Variants in LAPTM4B observed in about 807,000 individuals in gnomAD.
The protein encoded by LAPTM4B is lysosomal-associated transmembrane protein 4B.
LAPTM4B carries 26 observed loss-of-function variants against 28.5 expected under a neutral mutation model. The observed-to-expected ratio is 0.91, with a 90% CI of 0.67 to 1.27. The LOEUF (loss-of-function observed/expected upper bound fraction) is 1.27, where lower values mean the gene tolerates loss of function less well. Ranked by LOEUF, LAPTM4B falls within the 50% of genes most tolerant of loss-of-function variation. LAPTM4B has a pLI of 0.00. For synonymous variants in LAPTM4B, 109 were observed against 106.4 expected, an observed-to-expected ratio of 1.02 and a Z score of -0.15; for missense variants, 288 against 285.8, an observed-to-expected ratio of 1.01 and a Z score of -0.06.
intron 1 of LAPTM4B, 42 bp from the exon 2 acceptor site, chr8:97,805,311 G>A (rs753172687): frequency 2.8e-6 from 3 of 1,073,810 alleles, no homozygotes; most frequent in Non-Finnish European, 4.1e-6. Flanking sequence ...TGCATCCTGG[G>A]GTTACTTAAA....
rs145740464 is a variant in LAPTM4B, at chr8:97,842,575, C to G, written c.604-8822C>G. 6.9e-3 allele frequency among the ~76,000 whole-genome samples: 1,048 copies of G among 151,660 alleles called. 17 individuals are homozygous for G. The highest frequency in any genetic ancestry group is 0.023 in the African/African-American group (953 of 41,344). ...GCTCTGTTGCCCAGGCTGGAGTGCA[C>G]TGGCGCGATCTCAGCTCACTACAAG... On this transcript the variant is annotated intron_variant, in intron 6 of 6. Transcript: ENST00000521545.
chr8:97,845,878 C>T (rs192508346), intron 6 of LAPTM4B, among the ~76,000 whole-genome samples: 1 of 63,084 alleles, frequency 1.6e-5, no homozygotes, highest in Non-Finnish European at 3.8e-5. Flanking sequence ...ACTCCCCTCC[C>T]CTCCCCTCCC....
intron 1 of LAPTM4B, among the ~76,000 whole-genome samples, chr8:97,798,323 T>C (rs1036367109): frequency 3.9e-5 from 6 of 152,152 alleles, no homozygotes; most frequent in African/African-American, 1.4e-4. Flanking sequence ...ATTCACATCA[T>C]TCATGGTGTG....
intron 1 of LAPTM4B, among the ~76,000 whole-genome samples, chr8:97,781,279 T>TGGACTC (rs1816308003): frequency 4.0e-5 from 1 of 25,074 alleles, no homozygotes; most frequent in African/African-American, 2.5e-4. Flanking sequence ...GTGCCCGGCC[T>TGGACTC]TTTTTTTTTT....
At chr8:97,830,706 C>A (rs900864880) in intron 6 of LAPTM4B, among the ~76,000 whole-genome samples, 1 of 152,080 alleles carries the variant, frequency 6.6e-6, no homozygotes, top group African/African-American at 2.4e-5. Context: ...GTTCTGTAGA[C>A]GGACCGTGGT....
chr8:97,815,778 G>A (rs963800305), intron 3 of LAPTM4B, among the ~76,000 whole-genome samples: 5 of 151,980 alleles, frequency 3.3e-5, no homozygotes, highest in Admixed American at 6.6e-5. Flanking sequence ...ATGTTGGGCA[G>A]GCTAGTCTCG....
chr8:97,848,542 G>A (rs955538775), intron 6 of LAPTM4B, among the ~76,000 whole-genome samples: 1 of 151,882 alleles, frequency 6.6e-6, no homozygotes, highest in Non-Finnish European at 1.5e-5. Flanking sequence ...TCTACAGGTC[G>A]GCCACAGTGG....
chr8:97,786,451 C>A (rs1003306896), intron 1 of LAPTM4B, among the ~76,000 whole-genome samples: 1 of 150,446 alleles, frequency 6.6e-6, no homozygotes, highest in Admixed American at 6.6e-5. Context: ...CGCCTGTAAT[C>A]CCAGCACTTT....
intron 6 of LAPTM4B, among the ~76,000 whole-genome samples, chr8:97,840,931 C>A (rs1427054831): frequency 7.1e-6 from 1 of 140,754 alleles, no homozygotes; most frequent in Non-Finnish European, 1.5e-5. Context: ...GGGCGGAGGC[C>A]CTCATCACTT....
chr8:97,805,280 G>A (rs1284754166), intron 1 of LAPTM4B, 73 bp from the exon 2 acceptor site: 5 of 866,516 alleles, frequency 5.8e-6, no homozygotes, highest in Non-Finnish European at 9.2e-6. Context: ...TGTGGTCAGT[G>A]TAATTTTCTA....
chr8:97,828,252 A>G (rs1817124164), intron 6 of LAPTM4B, among the ~76,000 whole-genome samples: 1 of 152,172 alleles, frequency 6.6e-6, no homozygotes, highest in Non-Finnish European at 1.5e-5. Context: ...CGCTGCTTCA[A>G]GCGGGATTAG....
chr8:97,808,897 G>A (rs1056837055), intron 2 of LAPTM4B, among the ~76,000 whole-genome samples: 4 of 151,704 alleles, frequency 2.6e-5, no homozygotes, highest in Admixed American at 2.6e-4. Flanking sequence ...GGAGGCAGAG[G>A]CTGCAGTGAG....
At chr8:97,776,174 C>G in intron 1 of LAPTM4B, 66 bp downstream of exon 1, 1 of 1,468,226 alleles carries the variant, frequency 6.8e-7, no homozygotes, top group South Asian at 1.3e-5. Context: ...GCTTCTGGCC[C>G]GGCCTCGCGG....
chr8:97,816,216 C>A lies in LAPTM4B; in HGVS notation c.408+36C>A, dbSNP rs1225206212. The A allele has an allele frequency of 2.5e-6, 4 of 1,577,780 alleles. No individual in the cohort carries two copies. In the South Asian group the frequency reaches 3.5e-5, roughly 14 times the overall value. The stretch of plus-strand genomic sequence containing the variant: ...CTCTTACTGCTCCTTTTCATTAATT[C>A]TTTTCATTAGGGAAGCTGGTTAAGT... On this transcript the variant is annotated intron_variant, in intron 4 of 6. Coordinates refer to ENST00000521545, the MANE Select transcript of LAPTM4B (RefSeq NM_018407.6).
chr8:97,833,379 A>G (rs1389038904), intron 6 of LAPTM4B, among the ~76,000 whole-genome samples: 2 of 152,088 alleles, frequency 1.3e-5, no homozygotes, highest in Admixed American at 1.3e-4. Flanking sequence ...CAATAACAAA[A>G]TGGTATTGTT....
At chr8:97,828,887 T>G (rs188453870) in intron 6 of LAPTM4B, among the ~76,000 whole-genome samples, 3 of 152,332 alleles carry the variant, frequency 2.0e-5, no homozygotes, top group Non-Finnish European at 2.9e-5. Context: ...TGACTCTTTT[T>G]TGTCTTGTTG....
intron 5 of LAPTM4B, among the ~76,000 whole-genome samples, chr8:97,823,344 G>GTTTTTTTTTTTTTTTT (rs10561869): frequency 1.8e-5 from 2 of 109,250 alleles, no homozygotes; most frequent in African/African-American, 3.2e-5. Context: ...ATACAATATG[G>GTTTTTTTTTTTTTTTT]TTTTTTTTTT....
At chr8:97,793,018 AAAT>A (rs1448796432) in intron 1 of LAPTM4B, among the ~76,000 whole-genome samples, 1 of 145,852 alleles carries the variant, frequency 6.9e-6, no homozygotes, top group African/African-American at 2.5e-5. Flanking sequence ...ACAGATTTGA[AAAT>A]AATAACTAGA....
intron 1 of LAPTM4B, among the ~76,000 whole-genome samples, chr8:97,793,091 T>C (rs1013002225): frequency 6.6e-6 from 1 of 152,206 alleles, no homozygotes; most frequent in Non-Finnish European, 1.5e-5. Flanking sequence ...GTGTTCACTC[T>C]GAATAGAACA....
Sources: allele counts gnomAD v4.1 joint callset (sites outside exome capture counted in the v4.1 genomes callset), GRCh38; gene constraint gnomAD v4.1.1; transcripts MANE v1.5; gene names NCBI Gene and HGNC (gene_info 2026-07-23, HGNC 2026-07-21).